The following STAU1 variants were observed in gnomAD, a reference collection of about 807,000 sequenced individuals.
The protein encoded by STAU1 is double-stranded RNA-binding protein Staufen homolog 1.
A neutral mutation model predicts 62.9 loss-of-function variants in STAU1; 13 were observed. The ratio of observed to expected loss-of-function variants is 0.21; its 90% CI spans 0.13 to 0.33. STAU1 has a LOEUF of 0.33. STAU1 is among the 10% of genes least tolerant of loss of function. The probability of loss-of-function intolerance (pLI) is 1.00; values close to 1 mark genes in which losing one functional copy is unlikely to be tolerated. For missense variants in STAU1, 571 were observed against 712.1 expected, an observed-to-expected ratio of 0.80 and a Z score of 2.25; for synonymous variants, 269 against 265.1, an observed-to-expected ratio of 1.01 and a Z score of -0.14.
intron 6 of STAU1, among the ~76,000 whole-genome samples, chr20:49,126,278 C>A (rs1180660090): frequency 1.3e-5 from 2 of 151,644 alleles, no homozygotes; most frequent in Admixed American, 6.6e-5. Context: ...GATAGAAAAT[C>A]AGGCTGGGCA....
At chr20:49,140,984 A>T (rs1444752324) in intron 5 of STAU1, among the ~76,000 whole-genome samples, 3 of 60,858 alleles carry the variant, frequency 4.9e-5, no homozygotes, top group African/African-American at 7.5e-5. Context: ...GATCTGTTTA[A>T]AAAAAAAAAA....
In STAU1 at chr20:49,123,255, GA is replaced by G; in HGVS notation, c.823-21del. The G allele has an allele frequency of 6.2e-7, 1 of 1,614,174 alleles. No individual in the cohort carries two copies. The highest frequency in any genetic ancestry group is 1.1e-5 in the South Asian group (1 of 91,084). ...CTGTGGCTGAGGAACAAACAAGGCA[GA>G]AACTCTGTAATGTTATTCACCGCAT... On this transcript the variant is annotated intron_variant, in intron 7 of 13. Coordinates refer to ENST00000371856, the MANE Select transcript of STAU1 (RefSeq NM_017453.4).
At chr20:49,119,509 G>GA (rs2092414211) in intron 9 of STAU1, among the ~76,000 whole-genome samples, 1 of 152,000 alleles carries the variant, frequency 6.6e-6, no homozygotes, top group Non-Finnish European at 1.5e-5. Context: ...ACTCACATAG[G>GA]AAAAAAGAAA....
At chr20:49,158,177 G>A (rs1396174380) in intron 3 of STAU1, among the ~76,000 whole-genome samples, 1 of 152,018 alleles carries the variant, frequency 6.6e-6, no homozygotes, top group African/African-American at 2.4e-5. Context: ...AGCTACTCAG[G>A]AGGCTGAGGC....
At chr20:49,149,599 C>T (rs1041594439) in intron 5 of STAU1, among the ~76,000 whole-genome samples, 1 of 152,178 alleles carries the variant, frequency 6.6e-6, no homozygotes. Flanking sequence ...TCCAAAATAA[C>T]TCAAATTACA....
At chr20:49,151,553 C>T (rs746535537) in intron 5 of STAU1, 29 bp downstream of exon 5, 28 of 1,556,360 alleles carry the variant, frequency 1.8e-5, no homozygotes, top group Admixed American at 1.0e-4. Flanking sequence ...CCTGTCGAAG[C>T]GTCAGGGAGC....
intron 3 of STAU1, among the ~76,000 whole-genome samples, chr20:49,165,053 A>G (rs1178801066): frequency 6.6e-6 from 1 of 151,894 alleles, no homozygotes; most frequent in Non-Finnish European, 1.5e-5. Flanking sequence ...TTTATTTTTT[A>G]TTTATTTTTG....
At chr20:49,193,233 T>A (rs1166281141), upstream of STAU1, among the ~76,000 whole-genome samples, 1 of 151,980 alleles carries the variant, frequency 6.6e-6, no homozygotes, top group African/African-American at 2.4e-5. Context: ...AAAAATTAGC[T>A]GGGCATGGTG....
At chr20:49,158,826 G>T in intron 3 of STAU1, 1 of 700,764 alleles carries the variant, frequency 1.4e-6, no homozygotes, top group African/African-American at 1.9e-5. Flanking sequence ...AAAGCCGGGC[G>T]CGGTGGCTCA....
At chr20:49,195,815 A>C in the STAU1 span, among the ~76,000 whole-genome samples, 448 of 142,134 alleles carry the variant, frequency 3.2e-3, 1 homozygote, top group African/African-American at 0.011. Context: ...AGGCAGGAGA[A>C]TTGCTTGCAC....
At chr20:49,181,205 T>A (rs886780521) in intron 1 of STAU1, among the ~76,000 whole-genome samples, 2 of 152,212 alleles carry the variant, frequency 1.3e-5, no homozygotes, top group African/African-American at 4.8e-5. Context: ...CTGCAACTTT[T>A]ATATTATTAG....
chr20:49,117,409 C>T lies in STAU1; in HGVS notation c.1510-161G>A, dbSNP rs2092354123. ...CCTGCCCTGTCAGCCCAGAACCTTC[C>T]AGGAACCTAGGTGTCTGCTCAGAAG... On this transcript the variant is annotated intron_variant, in intron 11 of 13. Transcript: ENST00000371856. This position sits in a 1 kb window ranked among gnomAD's most constrained non-coding sequence, Gnocchi z 4.6. Among the ~76,000 whole-genome samples the T allele has an allele frequency of 6.6e-6, 1 of 152,106 alleles. No homozygotes were observed. The highest frequency in any genetic ancestry group is 2.4e-5 in the African/African-American group (1 of 41,412).
chr20:49,174,597 T>A (rs968218227), intron 1 of STAU1, among the ~76,000 whole-genome samples: 1 of 151,964 alleles, frequency 6.6e-6, no homozygotes, highest in Non-Finnish European at 1.5e-5. Context: ...GGCTCATGCC[T>A]GTAATCCCAG....
intron 2 of STAU1, among the ~76,000 whole-genome samples, chr20:49,168,020 A>C (rs2146414112): frequency 6.6e-6 from 1 of 152,010 alleles, no homozygotes; most frequent in East Asian, 1.9e-4. Context: ...GGACCAAGGG[A>C]TTTTTGGTTA....
At chr20:49,122,602 T>G (rs1047493174) in intron 8 of STAU1, among the ~76,000 whole-genome samples, 2 of 152,186 alleles carry the variant, frequency 1.3e-5, no homozygotes, top group African/African-American at 2.4e-5. Flanking sequence ...ATCAAATTAT[T>G]GCAAGCCACA....
intron 2 of STAU1, 121 bp from the exon 3 acceptor site, chr20:49,166,406 G>C (rs1215718939): frequency 5.3e-6 from 3 of 569,632 alleles, no homozygotes; most frequent in African/African-American, 3.8e-5. Context: ...TTAGCATGTA[G>C]CTATGTTGAT....
intron 9 of STAU1, 107 bp downstream of exon 9, chr20:49,119,875 C>A (rs111625677): frequency 7.4e-7 from 1 of 1,358,816 alleles, no homozygotes; most frequent in Non-Finnish European, 1.0e-6. Flanking sequence ...ACTCCTTGAA[C>A]TGTCAGGCAG....
intron 5 of STAU1, among the ~76,000 whole-genome samples, chr20:49,136,233 C>A (rs1008161487): frequency 3.9e-5 from 6 of 152,148 alleles, no homozygotes; most frequent in African/African-American, 1.4e-4. Context: ...CCCAGGAGAT[C>A]GAGGCTGCAG....
rs201091642 is a variant in STAU1, at chr20:49,120,003, G to A, written c.1092C>T (p.Pro364=). 1.2e-5 allele frequency: 20 copies of A among 1,613,988 alleles called. No homozygotes were observed. In the East Asian group the frequency reaches 1.8e-4, roughly 14 times the overall value. Residue 364 remains proline, a synonymous_variant, in exon 9 of 14, where the codon CCC becomes CCT. Coordinates refer to ENST00000371856, the MANE Select transcript of STAU1 (RefSeq NM_017453.4). Reference sequence around the variant, plus strand: ...TCACCTTCTCCTCTGACTTGAGTGCGGGTTTGGTGGGCTGCGCCTGCGGGA... The same window carrying A: ...TCACCTTCTCCTCTGACTTGAGTGCAGGTTTGGTGGGCTGCGCCTGCGGGA... ...FKVPQAQPTK[P]ALKSEEKTPI...
Sources: gnomAD v4.1 joint callset for allele counts (sites outside exome capture counted in the v4.1 genomes callset) on GRCh38, gnomAD v4.1.1 for gene constraint, Gnocchi (gnomAD v3.1) non-coding constraint, MANE v1.5 for transcripts, NCBI Gene and HGNC (gene_info 2026-07-23, HGNC 2026-07-21) for gene names.